OGA: variants seen among roughly 807,000 people sequenced by gnomAD.
OGA encodes the protein protein O-GlcNAcase.
A neutral mutation model predicts 102.0 loss-of-function variants in OGA; 21 were observed. That is an observed-to-expected ratio of 0.21 (90% CI 0.15 to 0.30). The LOEUF is 0.30. OGA is among the 10% of genes least tolerant of loss of function. The pLI is 1.00. For missense variants in OGA, 765 were observed against 1,107.8 expected (o/e 0.69, Z 4.39); for synonymous variants, 408 against 378.2 (o/e 1.08, Z -0.91).
chr10:101,812,264 G>A (rs1016382157), intron 3 of OGA, among the ~76,000 whole-genome samples: 6 of 152,008 alleles, frequency 3.9e-5, no homozygotes, highest in East Asian at 3.8e-4. Flanking sequence ...CAGGCCGGCC[G>A]GGCACAGGAG....
intron 2 of OGA, 131 bp downstream of exon 2, chr10:101,813,424 G>A: frequency 1.6e-6 from 1 of 640,398 alleles, no homozygotes; most frequent in East Asian, 2.8e-5. Context: ...AAGGGACCAA[G>A]GTAAAATAAC....
chr10:101,796,201 C>T (rs2065314035), intron 10 of OGA, among the ~76,000 whole-genome samples: 1 of 152,098 alleles, frequency 6.6e-6, no homozygotes. Context: ...CATCCAGCAA[C>T]CAATATTGAG....
rs67433227 is a variant in OGA at position 101,811,406 on chromosome 10, GAAAAAAAAAAAAAAAAA to G, written c.350-1109_350-1093del. On this transcript the variant is annotated intron_variant, in intron 3 of 15. Coordinates refer to ENST00000361464, the MANE Select transcript of OGA (RefSeq NM_012215.5). ...TCCATCTCAAAAAATGAAAAAAAAT[GAAAAAAAAAAAAAAAAA>G]AAAAAAAAATGAATCACACCTGTAA... is the stretch of plus-strand genomic sequence containing the variant. Among the ~76,000 whole-genome samples the G allele has an allele frequency of 5.7e-4, 26 of 45,688 alleles. No homozygotes were observed. The Admixed American group carries it at 6.7e-3, about 12-fold the overall frequency. 30.0% of individuals were successfully genotyped at this position (45,688 alleles called of 152,430 possible). A position where few individuals can be genotyped will look rare whatever the true frequency, so the allele number is the denominator to read the frequency against.
chr10:101,787,212 T>C (rs2065201475), intron 15 of OGA, 152 bp downstream of exon 15: 9 of 819,994 alleles, frequency 1.1e-5, no homozygotes, highest in Non-Finnish European at 1.3e-5. Context: ...ACACATGCGA[T>C]TCTTCACCAC....
intron 3 of OGA, among the ~76,000 whole-genome samples, chr10:101,811,902 T>A (rs1383912510): frequency 3.9e-5 from 6 of 152,222 alleles, no homozygotes. Flanking sequence ...ATAGTCATTT[T>A]TACTCTATTT....
Position 101,803,951 on chromosome 10 carries a change from C to G in OGA, c.820G>C (p.Ala274Pro), listed in dbSNP as rs1419671637. The change falls in exon 7 of 16, where the codon GCT (alanine) becomes CCT (proline). Residue 274 changes from alanine (A) to proline (P), a missense_variant. Ala to Pro is a conservative substitution (Grantham distance 27). This residue lies in a region of OGA where 165 missense variants were observed against 249.7 expected (regional missense o/e 0.66). Transcript: ENST00000361464. The part of the protein sequence containing the change: ...IEEVSKIIKR[A>P]PVIWDNIHAN... ...TGAATGTTATCCCAGATTACTGGAG[C>G]TCTCTTAATAATCTTAGAAACCTCT... 6.2e-7 allele frequency: 1 copy of G among 1,613,678 alleles called. No individual in the cohort carries two copies. The highest frequency in any genetic ancestry group is 1.7e-5 in the Admixed American group (1 of 60,014).
chr10:101,798,276 A>T, intron 9 of OGA, 122 bp from the exon 10 acceptor site: 1 of 880,374 alleles, frequency 1.1e-6, no homozygotes. Flanking sequence ...CCATTAAAGT[A>T]TCATTTTGTG....
At chr10:101,803,213 G>C (rs1240722658) in intron 7 of OGA, among the ~76,000 whole-genome samples, 1 of 150,958 alleles carries the variant, frequency 6.6e-6, no homozygotes, top group Non-Finnish European at 1.5e-5. Context: ...AGTGACTCAA[G>C]AGTATCTAGT....
At chr10:101,810,756 T>A (rs1200443754) in intron 3 of OGA, among the ~76,000 whole-genome samples, 2 of 152,220 alleles carry the variant, frequency 1.3e-5, no homozygotes, top group Admixed American at 6.5e-5. Context: ...TTTTTTATTT[T>A]GAGAGCCTTG....
intron 1 of OGA, among the ~76,000 whole-genome samples, chr10:101,814,349 G>A (rs1052447193): frequency 2.0e-5 from 3 of 152,168 alleles, no homozygotes; most frequent in Non-Finnish European, 2.9e-5. Flanking sequence ...ACAAAAGGGT[G>A]AGGGGAGATA....
chr10:101,790,234 T>C (rs1369829022), intron 14 of OGA, among the ~76,000 whole-genome samples: 3 of 151,462 alleles, frequency 2.0e-5, no homozygotes, highest in Non-Finnish European at 4.4e-5. Flanking sequence ...TAAATTGTCC[T>C]GAGTACTCAA....
At chr10:101,815,820 G>A (rs1025083124) in intron 1 of OGA, among the ~76,000 whole-genome samples, 2 of 151,960 alleles carry the variant, frequency 1.3e-5, no homozygotes, top group Non-Finnish European at 2.9e-5. Context: ...CCACAAAGAG[G>A]AAGCAATGCT....
chr10:101,799,492 C>G, intron 8 of OGA, 37 bp from the exon 9 acceptor site: 1 of 1,557,272 alleles, frequency 6.4e-7, no homozygotes, highest in South Asian at 1.2e-5. Context: ...AAAATGGTCA[C>G]ACAGATAATC....
intron 7 of OGA, among the ~76,000 whole-genome samples, chr10:101,802,838 A>G (rs575228712): frequency 5.1e-4 from 76 of 149,746 alleles, no homozygotes; most frequent in African/African-American, 1.8e-3. Context: ...AATGTCTAAA[A>G]TAAGACTGTA....
rs1206492253 is a variant in OGA at position 101,798,283 on chromosome 10, T to C, written c.1810-129A>G. ...TATCTTAACCATTAAAGTATCATTT[T>C]GTGTCTCCCCAAACTGACAAATATT... On this transcript the variant is annotated intron_variant, in intron 9 of 15. Transcript: ENST00000361464. The C allele has an allele frequency of 7.3e-6, 6 of 816,594 alleles. No individual in the cohort carries two copies. In the East Asian group the frequency reaches 1.6e-4, roughly 22 times the overall value. 50.6% of individuals were successfully genotyped at this position (816,594 alleles called of 1,614,324 possible).
At chr10:101,791,583 A>C in intron 12 of OGA, 144 bp from the exon 13 acceptor site, 1 of 627,796 alleles carries the variant, frequency 1.6e-6, no homozygotes, top group Non-Finnish European at 2.8e-6. Flanking sequence ...TCTTTGTAAA[A>C]TAAAGATTTA....
At position 101,786,328 on chromosome 10, in the gene OGA, T is replaced by G; in HGVS notation, c.*123A>C. The G allele has an allele frequency of 1.9e-6, 2 of 1,060,138 alleles. No homozygotes were observed. Among genetic ancestry groups the G allele is most frequent in the Admixed American group, 3.0e-5 (1 of 33,564 alleles). 65.7% of individuals were successfully genotyped at this position (1,060,138 alleles called of 1,614,324 possible). On this transcript the variant is annotated 3_prime_UTR_variant, in exon 16 of 16. Transcript: ENST00000361464. ...GATGGGTGAGTTTTACATAGTCTTC[T>G]TTGTTTCGAATCCAATTGGCTGATT...
Position 101,804,762 on chromosome 10 carries a change from A to C in OGA, c.752-743T>G, listed in dbSNP as rs189280599. Among the ~76,000 whole-genome samples the C allele has an allele frequency of 1.9e-3, 281 of 150,766 alleles. 3 individuals carry two copies. The highest frequency in any genetic ancestry group is 0.017 in the Admixed American group (257 of 15,150). On this transcript the variant is annotated intron_variant, in intron 6 of 15. Coordinates refer to ENST00000361464, the MANE Select transcript of OGA (RefSeq NM_012215.5). ...TGCCCCACCATGTCACAGTAATTTA[A>C]AATTTTTTTGTACAGATAAGGGCTT...
rs1172026705 is a variant in OGA, at chr10:101,817,895, G to A, written c.128C>T (p.Ala43Val). The change falls in exon 1 of 16, where the codon GCC becomes GTC. Residue 43 changes from alanine (A) to valine (V), a missense_variant. By Grantham distance (64) the Ala-to-Val change is moderately conservative. Around this residue, in one of 7 missense-constraint regions of OGA, gnomAD observed 117 missense variants for 85.7 expected, o/e 1.36. Coordinates refer to ENST00000361464, the MANE Select transcript of OGA (RefSeq NM_012215.5). ...AAPAPGEDNP[A>V]GAGGAAVAGA... ...GGCCACCGCCGCTCCCCCAGCCCCG[G>A]CGGGGTTGTCTTCTCCGGGTGCCGG... 1.9e-6 allele frequency: 3 copies of A among 1,560,982 alleles called. No homozygotes were observed.
Sources: allele counts gnomAD v4.1 joint callset (sites outside exome capture counted in the v4.1 genomes callset), GRCh38; gene constraint gnomAD v4.1.1; regional missense constraint gnomAD v4.1.1; transcripts MANE v1.5; gene names NCBI Gene and HGNC (gene_info 2026-07-23, HGNC 2026-07-21).